LIPI: variants seen among roughly 807,000 people sequenced by gnomAD.
LIPI encodes lipase member I.
Under a neutral mutation model 50.6 loss-of-function variants are expected in LIPI, and 59 were observed. The observed-to-expected ratio is 1.16, with a 90% CI of 0.94 to 1.45. LIPI has a LOEUF of 1.45. LIPI is among the 40% of genes most tolerant of loss of function. The pLI, the probability that LIPI is intolerant of heterozygous loss-of-function variation, is 0.00. For missense variants in LIPI, 586 were observed against 536.3 expected (o/e 1.09, Z -0.92); for synonymous variants, 203 against 178.2 (o/e 1.14, Z -1.11).
intron 2 of LIPI, among the ~76,000 whole-genome samples, chr21:14,188,366 G>T (rs905767305): frequency 6.6e-6 from 1 of 151,856 alleles, no homozygotes; most frequent in African/African-American, 2.4e-5. Flanking sequence ...TCAGGAGTTC[G>T]AGACCAGCCT....
intron 9 of LIPI, among the ~76,000 whole-genome samples, chr21:14,114,175 C>T: frequency 7.7e-6 from 1 of 129,346 alleles, no homozygotes. Flanking sequence ...AAGACTCTGT[C>T]TCAAAAAAAA....
chr21:14,152,264 C>G (rs899205686), intron 8 of LIPI, among the ~76,000 whole-genome samples: 1 of 151,964 alleles, frequency 6.6e-6, no homozygotes, highest in African/African-American at 2.4e-5. Context: ...CCATGCCCAG[C>G]TAATTTTCTG....
chr21:14,141,331 T>G (rs2017699016), intron 9 of LIPI, among the ~76,000 whole-genome samples: 1 of 152,018 alleles, frequency 6.6e-6, no homozygotes, highest in African/African-American at 2.4e-5. Context: ...TTTTCTACAT[T>G]ATTGGTCAAA....
At chr21:14,127,450 G>C (rs2017110351) in intron 9 of LIPI, among the ~76,000 whole-genome samples, 1 of 152,114 alleles carries the variant, frequency 6.6e-6, no homozygotes, top group Admixed American at 6.6e-5. Context: ...CCCCAGAGTA[G>C]AAACAATTGC....
At chr21:14,127,132 G>C (rs2017097571) in intron 9 of LIPI, among the ~76,000 whole-genome samples, 1 of 152,280 alleles carries the variant, frequency 6.6e-6, no homozygotes, top group Non-Finnish European at 1.5e-5. Flanking sequence ...GAGCTCTGCT[G>C]TTGTCTCTAT....
chr21:14,157,552 G>T (rs1407944938), intron 7 of LIPI, among the ~76,000 whole-genome samples: 1 of 151,816 alleles, frequency 6.6e-6, no homozygotes, highest in African/African-American at 2.4e-5. Flanking sequence ...GTGCCAACTT[G>T]GACTAAAAGC....
Position 14,167,862 on chromosome 21 carries a change from G to A in LIPI, c.644-1411C>T, listed in dbSNP as rs141991505. On this transcript the variant is annotated intron_variant, in intron 4 of 9. Transcript: ENST00000681601. ...CACCAACAATGGAACAAAGCTGGCT[G>A]GAGAATGACTTTGACAAGCTGAGAG... is the stretch of plus-strand genomic sequence containing the variant. 4.3e-3 allele frequency among the ~76,000 whole-genome samples: 656 copies of A among 152,302 alleles called. 5 individuals carry two copies. The highest frequency in any genetic ancestry group is 6.2e-3 in the Non-Finnish European group (423 of 68,028).
At chr21:14,127,400 G>A (rs189287692) in intron 9 of LIPI, among the ~76,000 whole-genome samples, 252 of 152,280 alleles carry the variant, frequency 1.7e-3, no homozygotes, top group African/African-American at 5.9e-3. Flanking sequence ...AATGTAGAGA[G>A]TTTTGCTCAA....
intron 9 of LIPI, among the ~76,000 whole-genome samples, chr21:14,119,360 C>G (rs2016777071): frequency 6.6e-6 from 1 of 152,152 alleles, no homozygotes; most frequent in Admixed American, 6.5e-5. Flanking sequence ...TATAAAGTGT[C>G]CAAGGAAAAG....
chr21:14,207,520 C>T (rs2020258013), intron 1 of LIPI, among the ~76,000 whole-genome samples: 1 of 152,218 alleles, frequency 6.6e-6, no homozygotes, highest in South Asian at 2.1e-4. Flanking sequence ...AATCTGACTA[C>T]ACAAGCAAAA....
At chr21:14,163,034 TC>T (rs2018548325) in intron 7 of LIPI, among the ~76,000 whole-genome samples, 1 of 151,436 alleles carries the variant, frequency 6.6e-6, no homozygotes, top group South Asian at 2.1e-4. Flanking sequence ...TACTTTCTTG[TC>T]CTTTTTTATA....
chr21:14,137,888 G>A (rs1218362488), intron 9 of LIPI, among the ~76,000 whole-genome samples: 1 of 152,136 alleles, frequency 6.6e-6, no homozygotes, highest in African/African-American at 2.4e-5. Context: ...ATGTTATGGA[G>A]CTCCAGTACT....
intron 4 of LIPI, among the ~76,000 whole-genome samples, chr21:14,176,733 G>A (rs570700854): frequency 9.3e-6 from 1 of 107,072 alleles, no homozygotes; most frequent in Non-Finnish European, 2.1e-5. Flanking sequence ...TTTTTTTTTT[G>A]GTTACATTTC....
intron 9 of LIPI, among the ~76,000 whole-genome samples, chr21:14,109,417 A>T (rs927935720): frequency 2.6e-5 from 4 of 152,128 alleles, no homozygotes; most frequent in African/African-American, 9.7e-5. Flanking sequence ...TCCTTCCATC[A>T]TGATGGTCAC....
intron 1 of LIPI, among the ~76,000 whole-genome samples, chr21:14,202,728 C>G (rs909574991): frequency 6.6e-6 from 1 of 152,124 alleles, no homozygotes; most frequent in African/African-American, 2.4e-5. Flanking sequence ...ACCATAAAAA[C>G]CCTAGAAGAA....
rs562089922 is a variant in LIPI, at chr21:14,194,236, T to C, written c.47-4817A>G. Among the ~76,000 whole-genome samples, 13 of 152,168 alleles carry C rather than the reference T, an allele frequency of 8.5e-5. No individual in the cohort carries two copies. The South Asian group carries it at 2.7e-3, about 32-fold the overall frequency. On this transcript the variant is annotated intron_variant, in intron 1 of 9. Coordinates refer to ENST00000681601, the MANE Select transcript of LIPI (RefSeq NM_001302998.2). ...AAAATGGTGTAGCTGCTGTGGAAAA[T>C]GGTATGGTGGCTCCTCAAAAATTGA...
intron 2 of LIPI, among the ~76,000 whole-genome samples, chr21:14,186,673 T>C (rs986429497): frequency 6.6e-6 from 1 of 152,168 alleles, no homozygotes; most frequent in Non-Finnish European, 1.5e-5. Context: ...CCCAAGGTGA[T>C]GATATTTGGA....
chr21:14,115,050 C>A (rs1280128019), intron 9 of LIPI, among the ~76,000 whole-genome samples: 1 of 152,122 alleles, frequency 6.6e-6, no homozygotes, highest in Non-Finnish European at 1.5e-5. Flanking sequence ...TAATCAAAGA[C>A]AACCAAGACA....
At chr21:14,182,082 C>A (rs2019293417) in intron 3 of LIPI, among the ~76,000 whole-genome samples, 1 of 152,104 alleles carries the variant, frequency 6.6e-6, no homozygotes, top group Non-Finnish European at 1.5e-5. Context: ...TAAGCCGCAA[C>A]AAAATATTGT....
Sources: allele counts gnomAD v4.1 joint callset (sites outside exome capture counted in the v4.1 genomes callset), GRCh38; gene constraint gnomAD v4.1.1; transcripts MANE v1.5; gene names NCBI Gene and HGNC (gene_info 2026-07-23, HGNC 2026-07-21).